GPHN: variants seen among roughly 807,000 people sequenced by gnomAD.
GPHN encodes gephyrin.
In GPHN, 17 loss-of-function variants were observed where a neutral mutation model predicts 95.5. That is an observed-to-expected ratio of 0.18 (90% CI 0.12 to 0.27). The LOEUF is 0.27. GPHN is among the 10% of genes least tolerant of loss of function. GPHN has a pLI of 1.00. For synonymous variants in GPHN, 320 were observed against 322.5 expected (o/e 0.99, Z 0.08); for missense variants, 660 against 978.1 (o/e 0.67, Z 4.34).
intron 3 of GPHN, among the ~76,000 whole-genome samples, chr14:66,777,960 G>A (rs1298987084): frequency 6.6e-6 from 1 of 152,216 alleles, no homozygotes; most frequent in Non-Finnish European, 1.5e-5. Context: ...CATAGTGTTG[G>A]AAGTTCTGGC....
chr14:66,705,996 A>G (rs536475501), intron 2 of GPHN, among the ~76,000 whole-genome samples: 3 of 152,272 alleles, frequency 2.0e-5, no homozygotes, highest in Admixed American at 6.5e-5. Context: ...TGCAAAAATC[A>G]CAAGCATTTT....
At chr14:67,647,063 T>C in the GPHN span, 95 of 1,273,464 alleles carry the variant, frequency 7.5e-5, no homozygotes, top group Non-Finnish European at 1.0e-4. Flanking sequence ...AAACCCCCAA[T>C]GGGCAACACA....
rs76967963 is a variant in GPHN, at chr14:66,970,085, G to GTTTTTT, written c.963+4773_963+4778dup. Among the ~76,000 whole-genome samples, 17 of 99,010 alleles carry GTTTTTT rather than the reference G, an allele frequency of 1.7e-4. 2 individuals are homozygous for GTTTTTT. Among genetic ancestry groups the GTTTTTT allele is most frequent in the Non-Finnish European group, 2.8e-4 (13 of 46,100 alleles). The allele number at this position is 99,010 out of a possible 152,430, so 65.0% of individuals were successfully genotyped here. A position where few individuals can be genotyped will look rare whatever the true frequency, so the allele number is the denominator to read the frequency against. ...GTGCTTAGAATAACCAGCAAGTTGT[G>GTTTTTT]TTTTTTTTTTTTTTTTTTGCTCTTA... is the stretch of plus-strand genomic sequence containing the variant. On this transcript the variant is annotated intron_variant, in intron 9 of 22. Transcript: ENST00000478722.
At chr14:67,688,994 C>T in the GPHN span, among the ~76,000 whole-genome samples, 1 of 152,172 alleles carries the variant, frequency 6.6e-6, no homozygotes, top group African/African-American at 2.4e-5. Context: ...TCTTTTACTG[C>T]ACCATAATGA....
chr14:67,653,334 A>G, the GPHN span: 8 of 929,562 alleles, frequency 8.6e-6, no homozygotes, highest in Admixed American at 2.1e-5. Flanking sequence ...CTATGCGTCA[A>G]CTGCTGAGGT....
the GPHN span, among the ~76,000 whole-genome samples, chr14:67,641,324 T>A: frequency 5.3e-5 from 8 of 152,122 alleles, no homozygotes; most frequent in East Asian, 9.6e-4. Flanking sequence ...CTGAAAAAAA[T>A]AAAAAATCTA....
intron 2 of GPHN, among the ~76,000 whole-genome samples, chr14:66,683,931 G>A (rs6573704): frequency 0.25 from 37,612 of 148,612 alleles, 9,507 homozygotes; most frequent in African/African-American, 0.62. Context: ...AGCAGAGATC[G>A]CCCCACCACA....
intron 4 of GPHN, among the ~76,000 whole-genome samples, chr14:66,855,326 C>A (rs2062755261): frequency 6.6e-6 from 1 of 152,140 alleles, no homozygotes; most frequent in Non-Finnish European, 1.5e-5. Context: ...AATCTACTTT[C>A]TATCTTTATA....
the GPHN span, chr14:67,320,329 G>A: frequency 8.1e-6 from 13 of 1,613,666 alleles, no homozygotes; most frequent in Non-Finnish European, 1.0e-5. Context: ...CCACAGAACT[G>A]TGGCCAGAAT....
chr14:67,020,626 A>T (rs1219048248), intron 9 of GPHN, among the ~76,000 whole-genome samples: 1 of 152,142 alleles, frequency 6.6e-6, no homozygotes, highest in Non-Finnish European at 1.5e-5. Context: ...TTAGTAAATG[A>T]ATATACCCTA....
At chr14:67,660,561 C>G in the GPHN span, among the ~76,000 whole-genome samples, 1 of 152,168 alleles carries the variant, frequency 6.6e-6, no homozygotes, top group Admixed American at 6.5e-5. Context: ...TGATAGGGGT[C>G]TGGCATCAGG....
At chr14:67,300,302 T>C in the GPHN span, among the ~76,000 whole-genome samples, 1 of 151,800 alleles carries the variant, frequency 6.6e-6, no homozygotes, top group East Asian at 1.9e-4. Flanking sequence ...CCATAAAAGG[T>C]ATAGAATTAC....
chr14:67,248,024 A>G, the GPHN span, among the ~76,000 whole-genome samples: 2,229 of 152,290 alleles, frequency 0.015, 28 homozygotes, highest in Middle Eastern at 0.041. Flanking sequence ...TTTTTAAATC[A>G]TGAATAGATG....
chr14:66,588,301 T>C (rs1173474882), intron 1 of GPHN, among the ~76,000 whole-genome samples: 1 of 151,872 alleles, frequency 6.6e-6, no homozygotes, highest in Non-Finnish European at 1.5e-5. Context: ...CACAAAAGAC[T>C]GAAAATTCCA....
At chr14:67,205,166 C>A in the GPHN span, 1 of 1,376,642 alleles carries the variant, frequency 7.3e-7, no homozygotes. Flanking sequence ...TCTTGGTTAG[C>A]TGACATTGAT....
intron 1 of GPHN, among the ~76,000 whole-genome samples, chr14:66,549,034 ATATCTC>A (rs2059715756): frequency 6.6e-6 from 1 of 152,146 alleles, no homozygotes; most frequent in Non-Finnish European, 1.5e-5. Flanking sequence ...TTTTTATACT[ATATCTC>A]TAAGGATAAT....
rs539573025 is a variant in GPHN, at chr14:67,037,353, A to G, written c.1006+13678A>G. The stretch of plus-strand genomic sequence containing the variant: ...CTGAAACTATGAAACTCACAGAAGG[A>G]AATATGCAGAAAAACTTTATGACAT... On this transcript the variant is annotated intron_variant, in intron 10 of 22. Coordinates refer to ENST00000478722, the MANE Select transcript of GPHN (RefSeq NM_020806.5). 1.9e-4 allele frequency among the ~76,000 whole-genome samples: 29 copies of G among 152,168 alleles called. No individual in the cohort carries two copies. In the East Asian group the frequency reaches 3.9e-3, roughly 20 times the overall value.
chr14:67,003,352 A>G (rs550421328), intron 9 of GPHN, among the ~76,000 whole-genome samples: 8 of 151,872 alleles, frequency 5.3e-5, no homozygotes, highest in African/African-American at 1.7e-4. Flanking sequence ...ATATTACACT[A>G]TTAGTAACTG....
At chr14:67,390,200 G>A in the GPHN span, among the ~76,000 whole-genome samples, 2 of 152,094 alleles carry the variant, frequency 1.3e-5, no homozygotes, top group Non-Finnish European at 2.9e-5. Flanking sequence ...TTTTTAAAAA[G>A]CAAATTAGTA....
Sources: allele counts gnomAD v4.1 joint callset (sites outside exome capture counted in the v4.1 genomes callset), GRCh38; gene constraint gnomAD v4.1.1; transcripts MANE v1.5; gene names NCBI Gene and HGNC (gene_info 2026-07-23, HGNC 2026-07-21).